EPHB2: variants seen among roughly 807,000 people sequenced by gnomAD.
EPHB2 encodes the protein EPH receptor B2.
A neutral mutation model predicts 96.4 loss-of-function variants in EPHB2; 18 were observed. The ratio of observed to expected loss-of-function variants is 0.19; its 90% CI spans 0.13 to 0.28. The LOEUF (loss-of-function observed/expected upper bound fraction) is 0.28, where lower values mean the gene tolerates loss of function less well. Among genes scored for constraint, EPHB2 ranks in the 10% least tolerant of loss-of-function variants. The pLI is 1.00. For synonymous variants in EPHB2, 506 were observed against 534.1 expected, an observed-to-expected ratio of 0.95 and a Z score of 0.72; for missense variants, 989 against 1,355.4, an observed-to-expected ratio of 0.73 and a Z score of 4.25.
At chr1:22,854,788 C>T (rs992775622) in intron 3 of EPHB2, among the ~76,000 whole-genome samples, 4 of 152,154 alleles carry the variant, frequency 2.6e-5, no homozygotes, top group African/African-American at 9.7e-5. Context: ...CAGCTTTGCC[C>T]ACAGTACGGA....
In EPHB2 at chr1:22,784,549, G is replaced by A. The variant is rs1394226453; in HGVS notation, c.284G>A (p.Arg95His). Residue 95 changes from arginine (R) to histidine (H), a missense_variant, in exon 3 of 16, where the codon CGT becomes CAT. Physicochemically the swap from Arg to His is conservative, Grantham distance 29 (BLOSUM62 0). Transcript: ENST00000374630. This position sits in a 1 kb window ranked among gnomAD's most constrained non-coding sequence, Gnocchi z 5.1. ...RIHVEMKFSV[R>H]DCSSIPSVPG... ...CACGTGGAGATGAAGTTTTCGGTGC[G>A]TGACTGCAGCAGCATCCCCAGCGTG... 3 of 1,614,132 alleles carry A rather than the reference G, an allele frequency of 1.9e-6. No homozygotes were observed. The highest frequency in any genetic ancestry group is 1.7e-5 in the Admixed American group (1 of 60,012).
chr1:22,884,337 C>T (rs1468045769), intron 6 of EPHB2, among the ~76,000 whole-genome samples: 7 of 152,136 alleles, frequency 4.6e-5, no homozygotes, highest in Non-Finnish European at 1.0e-4. Flanking sequence ...AAAACCCCAT[C>T]TCTACTAAAA....
At chr1:22,833,610 T>C (rs1047996963) in intron 3 of EPHB2, among the ~76,000 whole-genome samples, 1 of 152,050 alleles carries the variant, frequency 6.6e-6, no homozygotes, top group African/African-American at 2.4e-5. Context: ...AGACAGAATA[T>C]ATAACTTCTG....
chr1:22,828,981 G>A (rs569710087), intron 3 of EPHB2, among the ~76,000 whole-genome samples: 1 of 152,352 alleles, frequency 6.6e-6, no homozygotes, highest in African/African-American at 2.4e-5. Context: ...AGACTTACAG[G>A]CAGGAATTAT....
intron 1 of EPHB2, among the ~76,000 whole-genome samples, chr1:22,781,137 G>A (rs1466525131): frequency 1.3e-5 from 2 of 151,894 alleles, no homozygotes; most frequent in African/African-American, 4.8e-5. Context: ...TGGCTAACAC[G>A]GTGAAACCCT....
chr1:22,867,278 TG>T (rs2148530725), intron 5 of EPHB2, among the ~76,000 whole-genome samples: 1 of 152,322 alleles, frequency 6.6e-6, no homozygotes, highest in Admixed American at 6.5e-5. Context: ...TGTGGCCATG[TG>T]GGTTCTGTAT....
chr1:22,832,798 A>G (rs377601553), intron 3 of EPHB2, among the ~76,000 whole-genome samples: 1 of 152,210 alleles, frequency 6.6e-6, no homozygotes, highest in Admixed American at 6.5e-5. Flanking sequence ...CCAATACTTT[A>G]TAATAGAAGA....
intron 3 of EPHB2, among the ~76,000 whole-genome samples, chr1:22,850,509 T>C (rs1354418249): frequency 6.6e-6 from 1 of 152,202 alleles, no homozygotes; most frequent in Non-Finnish European, 1.5e-5. Flanking sequence ...GGGAGGGGCC[T>C]GGGCCTGGCC....
At chr1:22,848,655 G>C (rs1296598888) in intron 3 of EPHB2, among the ~76,000 whole-genome samples, 1 of 152,220 alleles carries the variant, frequency 6.6e-6, no homozygotes, top group Non-Finnish European at 1.5e-5. Flanking sequence ...GGAGGAAGGT[G>C]ACGGGTTCTG....
Position 22,916,412 on chromosome 1 carries a change from A to G in EPHB2, c.*2842A>G, listed in dbSNP as rs1177247686. On this transcript the variant is annotated 3_prime_UTR_variant, in exon 16 of 16. Coordinates refer to ENST00000374630, the MANE Select transcript of EPHB2 (RefSeq NM_017449.5). The surrounding 1 kb of genome is among the most constrained non-coding windows in gnomAD (Gnocchi z 4.2). ...TGCTTCCCAGAGCACAGGTGCTACC[A>G]GACCTCTGTGTCTCCACTTCAGGGT... 6.6e-6 allele frequency: 1 copy of G among 152,284 alleles called. No individual in the cohort carries two copies. Among genetic ancestry groups the G allele is most frequent in the Non-Finnish European group, 1.5e-5 (1 of 68,116 alleles). 9.4% of individuals were successfully genotyped at this position (152,284 alleles called of 1,614,324 possible).
chr1:22,883,888 T>C (rs1321357804), intron 6 of EPHB2, among the ~76,000 whole-genome samples: 1 of 152,136 alleles, frequency 6.6e-6, no homozygotes. Flanking sequence ...ACTTGATCAA[T>C]ATCAGTTGAA....
At chr1:22,735,677 A>G (rs1643812055) in intron 1 of EPHB2, among the ~76,000 whole-genome samples, 3 of 152,300 alleles carry the variant, frequency 2.0e-5, no homozygotes, top group African/African-American at 4.8e-5. Context: ...TCAGCTCTAC[A>G]TGATGGGAAA....
At chr1:22,904,937 C>A (rs1639860810) in intron 9 of EPHB2, among the ~76,000 whole-genome samples, 1 of 152,182 alleles carries the variant, frequency 6.6e-6, no homozygotes, top group African/African-American at 2.4e-5. Context: ...ATTTCAACTG[C>A]CAACTCCTAG....
intron 1 of EPHB2, among the ~76,000 whole-genome samples, chr1:22,740,333 A>G (rs551742890): frequency 2.2e-4 from 33 of 152,112 alleles, no homozygotes; most frequent in African/African-American, 5.1e-4. Flanking sequence ...GGGTGGGACA[A>G]TTCTTCCTTT....
At chr1:22,817,707 A>C (rs2148469607) in intron 3 of EPHB2, among the ~76,000 whole-genome samples, 1 of 152,324 alleles carries the variant, frequency 6.6e-6, no homozygotes, top group Non-Finnish European at 1.5e-5. Context: ...CAGAGCAGGC[A>C]GGCTAAAGGC....
intron 6 of EPHB2, among the ~76,000 whole-genome samples, chr1:22,885,823 C>A (rs1639206943): frequency 6.6e-6 from 1 of 152,142 alleles, no homozygotes; most frequent in African/African-American, 2.4e-5. Context: ...CTGAGGTACA[C>A]CTGTGATGAG....
intron 3 of EPHB2, among the ~76,000 whole-genome samples, chr1:22,836,213 A>G (rs955867217): frequency 5.3e-5 from 8 of 152,168 alleles, no homozygotes; most frequent in African/African-American, 1.9e-4. Flanking sequence ...TCCACAGAGC[A>G]TGTGCGTCCA....
At position 22,893,024 on chromosome 1, in the gene EPHB2, G is replaced by A. The variant is rs973792941; in HGVS notation, c.1569G>A (p.Met523Ile). The A allele has an allele frequency of 2.5e-6, 4 of 1,614,108 alleles. No individual in the cohort carries two copies. Among genetic ancestry groups the A allele is most frequent in the East Asian group, 2.2e-5 (1 of 44,892 alleles). ...GTTACGGGCGCTACAGCGGCAAGATGTACTTCCAGACCATGACAGAAGGTG... is the reference window on the plus strand; with the variant it reads ...GTTACGGGCGCTACAGCGGCAAGATATACTTCCAGACCATGACAGAAGGTG... The part of the protein sequence containing the change: ...VAGYGRYSGK[M>I]YFQTMTEAEY... Residue 523 changes from methionine (M) to isoleucine (I), a missense_variant, in exon 7 of 16, where the codon ATG becomes ATA. Physicochemically the swap from Met to Ile is conservative, Grantham distance 10. Coordinates refer to ENST00000374630, the MANE Select transcript of EPHB2 (RefSeq NM_017449.5).
At position 22,885,224 on chromosome 1, in the gene EPHB2, CA is replaced by C. The variant is rs11435992; in HGVS notation, c.1428+2751del. ...CTTAGCAACTCAGAACCCCAAAAGG[CA>C]AAAAAAAAACTAATTAAGAAGCTTT... On this transcript the variant is annotated intron_variant, in intron 6 of 15. Coordinates refer to ENST00000374630, the MANE Select transcript of EPHB2 (RefSeq NM_017449.5). Among the ~76,000 whole-genome samples the C allele has an allele frequency of 7.2e-4, 108 of 149,672 alleles. 1 individual carries two copies. The East Asian group carries it at 0.017, about 23-fold the overall frequency.
Sources: allele counts gnomAD v4.1 joint callset (sites outside exome capture counted in the v4.1 genomes callset), GRCh38; gene constraint gnomAD v4.1.1; non-coding constraint Gnocchi (gnomAD v3.1); transcripts MANE v1.5; gene names NCBI Gene and HGNC (gene_info 2026-07-23, HGNC 2026-07-21).